Variants in CACNG2 observed in about 807,000 individuals in gnomAD.
The protein encoded by CACNG2 is voltage-dependent calcium channel gamma-2 subunit.
In CACNG2, 3 loss-of-function variants were observed where a neutral mutation model predicts 25.9. The observed-to-expected ratio is 0.12, with a 90% CI of 0.05 to 0.30. CACNG2 has a LOEUF of 0.30. Among genes scored for constraint, CACNG2 ranks in the 10% least tolerant of loss-of-function variants. The pLI is 1.00. For synonymous variants in CACNG2, 167 were observed against 173.3 expected (o/e 0.96, Z 0.29); for missense variants, 341 against 432.5 (o/e 0.79, Z 1.88).
chr22:36,669,744 A>G (rs1250253661), intron 1 of CACNG2, among the ~76,000 whole-genome samples: 2 of 151,508 alleles, frequency 1.3e-5, no homozygotes, highest in African/African-American at 4.9e-5. Context: ...ACAGGGTCTC[A>G]CTCTGTTGCC....
At position 36,702,660 on chromosome 22, in the gene CACNG2, A is replaced by T; in HGVS notation, c.-84T>A. 1 of 908,770 alleles carries T rather than the reference A, an allele frequency of 1.1e-6. No individual in the cohort carries two copies. Among genetic ancestry groups the T allele is most frequent in the Non-Finnish European group, 1.8e-6 (1 of 560,224 alleles). The allele number at this position is 908,770 out of a possible 1,614,324, so 56.3% of individuals were successfully genotyped here. ...GGTGCAAGTACTAAAGCCAAAAAAA[A>T]TAAATAAAAATAAAAATTATTCCAC... On this transcript the variant is annotated 5_prime_UTR_variant, in exon 1 of 4. Coordinates refer to ENST00000300105, the MANE Select transcript of CACNG2 (RefSeq NM_006078.5).
At chr22:36,655,705 TTCTC>T (rs1049778077) in intron 1 of CACNG2, among the ~76,000 whole-genome samples, 2 of 148,594 alleles carry the variant, frequency 1.3e-5, no homozygotes, top group East Asian at 3.9e-4. Flanking sequence ...CTTTCTTTCT[TTCTC>T]TTTCTCTTTC....
At position 36,666,920 on chromosome 22, in the gene CACNG2, C is replaced by T. The variant is rs1936882671; in HGVS notation, c.211+35446G>A. ...TTGCTCTTTCACATTCCAGGCCTTG[C>T]TCTTCTTTCTTTCTCTGCAAGAACT... is the stretch of plus-strand genomic sequence containing the variant. On this transcript the variant is annotated intron_variant, in intron 1 of 3. Coordinates refer to ENST00000300105, the MANE Select transcript of CACNG2 (RefSeq NM_006078.5). 2.0e-5 allele frequency among the ~76,000 whole-genome samples: 3 copies of T among 152,110 alleles called. No homozygotes were observed. In the South Asian group the frequency reaches 6.2e-4, roughly 32 times the overall value.
At chr22:36,594,540 G>C (rs1056721224) in intron 1 of CACNG2, among the ~76,000 whole-genome samples, 8 of 152,340 alleles carry the variant, frequency 5.3e-5, no homozygotes, top group African/African-American at 1.9e-4. Flanking sequence ...AGTGGAGCGT[G>C]TCTGGGGCAC....
intron 2 of CACNG2, among the ~76,000 whole-genome samples, chr22:36,577,011 T>G (rs1156488985): frequency 1.3e-5 from 2 of 152,146 alleles, no homozygotes; most frequent in African/African-American, 4.8e-5. Flanking sequence ...CAGTAGAGAT[T>G]GGTGACCAGT....
chr22:36,640,410 G>GT (rs1200612539), intron 1 of CACNG2, among the ~76,000 whole-genome samples: 1 of 152,244 alleles, frequency 6.6e-6, no homozygotes, highest in Non-Finnish European at 1.5e-5. Flanking sequence ...TCTCTGAGGA[G>GT]TAAGTTTCCT....
chr22:36,649,079 T>A (rs1374174821), intron 1 of CACNG2, among the ~76,000 whole-genome samples: 1 of 152,240 alleles, frequency 6.6e-6, no homozygotes, highest in Non-Finnish European at 1.5e-5. Flanking sequence ...TCATCTAGAT[T>A]CTGCCCTCAC....
intron 1 of CACNG2, among the ~76,000 whole-genome samples, chr22:36,624,600 T>C (rs779721715): frequency 3.9e-5 from 6 of 152,142 alleles, no homozygotes; most frequent in Non-Finnish European, 5.9e-5. Flanking sequence ...TGCCCTTTCA[T>C]CTTGCTGGCC....
At chr22:36,591,194 G>T (rs145583313) in intron 1 of CACNG2, among the ~76,000 whole-genome samples, 1 of 151,880 alleles carries the variant, frequency 6.6e-6, no homozygotes, top group Non-Finnish European at 1.5e-5. Flanking sequence ...CCGCCACTAC[G>T]CCCGGCTAAT....
intron 1 of CACNG2, among the ~76,000 whole-genome samples, chr22:36,675,501 C>G (rs550833099): frequency 6.6e-6 from 1 of 152,300 alleles, no homozygotes; most frequent in East Asian, 1.9e-4. Context: ...CCTTTTATGT[C>G]GACTTTTCTC....
intron 1 of CACNG2, among the ~76,000 whole-genome samples, chr22:36,635,172 T>C (rs1043385666): frequency 3.3e-5 from 5 of 151,638 alleles, no homozygotes; most frequent in Non-Finnish European, 7.4e-5. Flanking sequence ...TAGTCCCAGC[T>C]ATTTGGGAGG....
At chr22:36,696,110 G>A (rs1601461338) in intron 1 of CACNG2, among the ~76,000 whole-genome samples, 1 of 152,130 alleles carries the variant, frequency 6.6e-6, no homozygotes, top group Admixed American at 6.5e-5. Flanking sequence ...ACCTGAAAGC[G>A]AACACTCAAG....
intron 1 of CACNG2, among the ~76,000 whole-genome samples, chr22:36,699,310 G>A (rs1400753971): frequency 6.6e-6 from 1 of 151,332 alleles, no homozygotes; most frequent in Non-Finnish European, 1.5e-5. Context: ...GAAAATAAGG[G>A]TGGTGGTTTT....
At chr22:36,597,648 G>C (rs1935697253) in intron 1 of CACNG2, among the ~76,000 whole-genome samples, 1 of 152,184 alleles carries the variant, frequency 6.6e-6, no homozygotes, top group Non-Finnish European at 1.5e-5. Flanking sequence ...GGCCTTTCTT[G>C]ATTGCCCTTA....
At position 36,698,359 on chromosome 22, in the gene CACNG2, C is replaced by A. The variant is rs370813880; in HGVS notation, c.211+4007G>T. 1.1e-4 allele frequency among the ~76,000 whole-genome samples: 17 copies of A among 152,298 alleles called. 1 individual carries two copies. In the East Asian group the frequency reaches 1.2e-3, roughly 10 times the overall value. ...TCAAATTATCTTGGGAATTATGGAG[C>A]AATACTTGCACAGTGTGAAGGCCTG... On this transcript the variant is annotated intron_variant, in intron 1 of 3. Coordinates refer to ENST00000300105, the MANE Select transcript of CACNG2 (RefSeq NM_006078.5).
At chr22:36,620,748 G>A (rs767220510) in intron 1 of CACNG2, among the ~76,000 whole-genome samples, 7 of 152,208 alleles carry the variant, frequency 4.6e-5, no homozygotes, top group East Asian at 1.9e-4. Flanking sequence ...GGGGCCTTGC[G>A]TCAGAGCATC....
intron 1 of CACNG2, among the ~76,000 whole-genome samples, chr22:36,615,822 G>T (rs538965069): frequency 6.6e-6 from 1 of 152,190 alleles, no homozygotes; most frequent in African/African-American, 2.4e-5. Flanking sequence ...TCACAATAGT[G>T]TTAGTTAAAA....
intron 1 of CACNG2, among the ~76,000 whole-genome samples, chr22:36,660,488 A>G (rs549273201): frequency 6.6e-6 from 1 of 152,360 alleles, no homozygotes; most frequent in Non-Finnish European, 1.5e-5. Context: ...TTGGAAAATC[A>G]CAAGGCAACT....
chr22:36,566,024 C>T (rs868807209), intron 3 of CACNG2, among the ~76,000 whole-genome samples: 37 of 152,352 alleles, frequency 2.4e-4, no homozygotes, highest in Admixed American at 5.9e-4. Context: ...CTCTCTCCAG[C>T]CTCCTCATGG....
Sources: gnomAD v4.1 joint callset for allele counts (sites outside exome capture counted in the v4.1 genomes callset) on GRCh38, gnomAD v4.1.1 for gene constraint, MANE v1.5 for transcripts, NCBI Gene and HGNC (gene_info 2026-07-23, HGNC 2026-07-21) for gene names.